The following TENM1 variants were observed in gnomAD, a reference collection of about 807,000 sequenced individuals.
TENM1 encodes teneurin transmembrane protein 1, also known as teneurin-1.
In TENM1, 35 loss-of-function variants were observed where a neutral mutation model predicts 174.8. The ratio of observed to expected loss-of-function variants is 0.20; its 90% CI spans 0.15 to 0.27. TENM1 has a LOEUF of 0.27. Ranked by LOEUF, TENM1 falls within the 10% of genes least tolerant of loss-of-function variation. The probability of loss-of-function intolerance (pLI) is 1.00; values close to 1 mark genes in which losing one functional copy is unlikely to be tolerated. For synonymous variants in TENM1, 781 were observed against 798.7 expected (o/e 0.98, Z 0.37); for missense variants, 1,633 against 2,130.1 (o/e 0.77, Z 4.59).
chrX:124,646,189 T>C (rs1483191392), intron 9 of TENM1, among the ~76,000 whole-genome samples: 1 of 111,955 alleles, frequency 8.9e-6, no homozygotes, highest in Non-Finnish European at 1.9e-5. Context: ...CCAGGAAGAG[T>C]GAAGTTTGCT....
chrX:125,012,545 C>T, the TENM1 span, among the ~76,000 whole-genome samples: 5 of 111,487 alleles, frequency 4.5e-5, no homozygotes, highest in Non-Finnish European at 7.5e-5. Flanking sequence ...TTAATCAAAC[C>T]ACCATACCCA....
At chrX:124,971,810 T>C in the TENM1 span, among the ~76,000 whole-genome samples, 1 of 112,198 alleles carries the variant, frequency 8.9e-6, no homozygotes, top group South Asian at 3.7e-4. Context: ...ATTGTGCTTT[T>C]AGTTTGAATT....
chrX:124,563,960 A>G (rs759267833), intron 12 of TENM1, among the ~76,000 whole-genome samples, 188 bp from the exon 16 acceptor site: 1 of 112,311 alleles, frequency 8.9e-6, no homozygotes, highest in African/African-American at 3.2e-5. Flanking sequence ...CTGTGAGAAC[A>G]ATATTAATGG....
chrX:124,389,923 T>G (rs2060264663), intron 28 of TENM1, among the ~76,000 whole-genome samples: 1 of 111,915 alleles, frequency 8.9e-6, no homozygotes, highest in Admixed American at 9.5e-5. Context: ...GCTACCCTTT[T>G]AATTAGAGAA....
At chrX:124,436,342 T>C (rs970939650) in intron 23 of TENM1, among the ~76,000 whole-genome samples, 2 of 111,175 alleles carry the variant, frequency 1.8e-5, no homozygotes, top group African/African-American at 6.6e-5. Flanking sequence ...GACTTGATCC[T>C]TCCTGCTTGC....
At chrX:124,963,822 A>T, upstream of TENM1, 1 of 904,657 alleles carries the variant, frequency 1.1e-6, no homozygotes. Flanking sequence ...GCAGTCCTGG[A>T]AGAGAAAGGG....
intron 3 of TENM1, among the ~76,000 whole-genome samples, chrX:124,872,508 C>T (rs1461675718): frequency 9.0e-6 from 1 of 111,634 alleles, no homozygotes; most frequent in Non-Finnish European, 1.9e-5. Flanking sequence ...CAATTGAAAA[C>T]AAAACGTTAA....
At chrX:125,077,245 G>A in the TENM1 span, among the ~76,000 whole-genome samples, 6 of 110,645 alleles carry the variant, frequency 5.4e-5, no homozygotes, top group Non-Finnish European at 9.5e-5. Flanking sequence ...TAGTACTAAG[G>A]AACCTAAACT....
At chrX:125,155,508 G>A in the TENM1 span, among the ~76,000 whole-genome samples, 1 of 110,204 alleles carries the variant, frequency 9.1e-6, no homozygotes. Flanking sequence ...ACTGGGCTCC[G>A]TGGAGCAGGG....
intron 4 of TENM1, among the ~76,000 whole-genome samples, chrX:124,715,723 C>T (rs935951050): frequency 3.7e-5 from 4 of 108,237 alleles, no homozygotes; most frequent in Non-Finnish European, 7.6e-5. Context: ...GGCGTGATCT[C>T]GGCTCACTGC....
intron 3 of TENM1, among the ~76,000 whole-genome samples, chrX:124,801,727 T>A (rs963294990): frequency 1.8e-5 from 2 of 111,610 alleles, no homozygotes; most frequent in Non-Finnish European, 3.8e-5. Flanking sequence ...CTGGTACCAG[T>A]TTTTCCTTTT....
intron 3 of TENM1, among the ~76,000 whole-genome samples, chrX:124,779,266 C>T (rs896765753): frequency 1.8e-5 from 2 of 111,668 alleles, no homozygotes; most frequent in African/African-American, 6.5e-5. Flanking sequence ...TTTATACTGC[C>T]CTCCTCAAAG....
Position 124,671,852 on chromosome X carries a change from C to G in TENM1, c.1016-17G>C, listed in dbSNP as rs201230334. On this transcript the variant is annotated splice_polypyrimidine_tract_variant and intron_variant, in intron 5 of 31. Coordinates refer to ENST00000422452, the Ensembl canonical transcript of TENM1. The stretch of plus-strand genomic sequence containing the variant: ...AATGCACTGCTGCAAGAGAACAAGC[C>G]ATACATTAATTTATTCCAGACTCAC... 104 of 1,204,500 alleles carry G rather than the reference C, an allele frequency of 8.6e-5. No homozygotes were observed. In the Middle Eastern group the frequency reaches 1.6e-3, roughly 19 times the overall value.
chrX:124,586,592 G>A (rs902045822), intron 11 of TENM1, among the ~76,000 whole-genome samples: 1 of 109,816 alleles, frequency 9.1e-6, no homozygotes, highest in African/African-American at 3.4e-5. Context: ...TACTGAATGG[G>A]CAAAAACTGG....
At chrX:125,060,768 T>C in the TENM1 span, among the ~76,000 whole-genome samples, 87 of 110,632 alleles carry the variant, frequency 7.9e-4, no homozygotes, top group Non-Finnish European at 1.5e-3. Flanking sequence ...GGGAACCATA[T>C]AATTATATAA....
intron 22 of TENM1, among the ~76,000 whole-genome samples, chrX:124,476,331 T>C (rs1401642711): frequency 8.9e-6 from 1 of 112,353 alleles, no homozygotes; most frequent in Admixed American, 9.4e-5. Flanking sequence ...AAACAGATTG[T>C]TTGTGTCTAG....
At chrX:125,023,301 T>C in the TENM1 span, among the ~76,000 whole-genome samples, 1 of 111,548 alleles carries the variant, frequency 9.0e-6, no homozygotes, top group South Asian at 3.8e-4. Flanking sequence ...CCTGCTGCCA[T>C]GTGAGACGTG....
At chrX:124,420,494 G>C in exon 25 of TENM1, 1 of 1,211,910 alleles carries the variant, frequency 8.3e-7, no homozygotes, top group Non-Finnish European at 1.1e-6. Context: ...CATTCCGCCT[G>C]CATCACGGCG....
intron 3 of TENM1, among the ~76,000 whole-genome samples, chrX:124,821,396 A>G (rs753182997): frequency 8.9e-6 from 1 of 112,214 alleles, no homozygotes; most frequent in South Asian, 3.7e-4. Flanking sequence ...ACTTCAGATT[A>G]CCATGAAAAA....
Sources: allele counts gnomAD v4.1 joint callset (sites outside exome capture counted in the v4.1 genomes callset), GRCh38; gene constraint gnomAD v4.1.1; transcripts MANE v1.5; gene names NCBI Gene and HGNC (gene_info 2026-07-23, HGNC 2026-07-21).